Variants in NPC1 observed in about 807,000 individuals in gnomAD.
NPC1 encodes Niemann-Pick C1 protein.
Under a neutral mutation model 140.4 loss-of-function variants are expected in NPC1, and 85 were observed. The observed-to-expected ratio is 0.61, with a 90% CI of 0.51 to 0.72. The LOEUF is 0.72. Among genes scored for constraint, NPC1 ranks in the 30% least tolerant of loss-of-function variants. The pLI is 0.00. For missense variants in NPC1, 1,504 were observed against 1,623.8 expected (o/e 0.93, Z 1.27); for synonymous variants, 656 against 624.8 (o/e 1.05, Z -0.74).
chr18:23,582,592 C>T (rs1186509284), intron 1 of NPC1, among the ~76,000 whole-genome samples: 1 of 150,718 alleles, frequency 6.6e-6, no homozygotes, highest in Non-Finnish European at 1.5e-5. Flanking sequence ...CACTTGAGCT[C>T]AGGAGTTCGA....
intron 4 of NPC1, among the ~76,000 whole-genome samples, chr18:23,562,612 G>A (rs1044780856): frequency 1.4e-4 from 21 of 152,004 alleles, no homozygotes; most frequent in Non-Finnish European, 1.9e-4. Flanking sequence ...TGCCTTCCAG[G>A]CTCTATCATG....
chr18:23,530,043 C>T (rs765549598), downstream of NPC1: 3 of 1,614,022 alleles, frequency 1.9e-6, no homozygotes, highest in Non-Finnish European at 8.5e-7. Context: ...CCTACATGAA[C>T]TTGTTATCAA....
rs755227617 is a variant in NPC1 at position 23,554,927 on chromosome 18, C to A, written c.1384G>T (p.Val462Leu). The stretch of plus-strand genomic sequence containing the variant: ...GCCAAGCAGATGTCTTGAAGTGTCA[C>A]AGTCTCATTGTCATAAGAGGCAGTA... ...NITASYDNET[V>L]TLQDICLAPL... The change falls in exon 9 of 25, where the codon GTG (valine) becomes TTG (leucine). Residue 462 changes from valine (V) to leucine (L), a missense_variant. Val to Leu is a conservative substitution (Grantham distance 32, BLOSUM62 1). Coordinates refer to ENST00000269228, the MANE Select transcript of NPC1 (RefSeq NM_000271.5). The A allele has an allele frequency of 6.2e-7, 1 of 1,614,154 alleles. No individual in the cohort carries two copies. The highest frequency in any genetic ancestry group is 1.1e-5 in the South Asian group (1 of 91,082).
chr18:23,522,867 G>C (rs1395606156), exon 2 of NPC1: 1 of 116,528 alleles, frequency 8.6e-6, no homozygotes, highest in Non-Finnish European at 1.8e-5. Flanking sequence ...CTTGCCCACT[G>C]TGCTGCCACT....
downstream of NPC1, chr18:23,529,547 G>T: frequency 9.0e-6 from 12 of 1,333,834 alleles, no homozygotes; most frequent in Non-Finnish European, 1.3e-5. Context: ...TTTTAAGATG[G>T]AAACAAGGTG....
At chr18:23,515,977 T>C (rs1292691698) in intron 3 of NPC1, 1 of 1,614,036 alleles carries the variant, frequency 6.2e-7, no homozygotes, top group Non-Finnish European at 8.5e-7. Context: ...GAGAATGTCC[T>C]GCAGCCTTTT....
At chr18:23,531,000 TCATTTTTTTTTTGAGA>T, downstream of NPC1, among the ~76,000 whole-genome samples, 1 of 151,888 alleles carries the variant, frequency 6.6e-6, no homozygotes, top group East Asian at 1.9e-4. Flanking sequence ...TTGATCATTC[TCATTTTTTTTTTGAGA>T]CAGAGTCTCG....
At position 23,535,712 on chromosome 18, in the gene NPC1, A is replaced by G; in HGVS notation, c.3246-12T>C. ...AGACATAAAACACACTGGAGGGGAG[A>G]GGGGAGGCCTCATTAAAGCTCGCTC... On this transcript the variant is annotated splice_polypyrimidine_tract_variant and intron_variant, in intron 21 of 24. Transcript: ENST00000269228. The G allele has an allele frequency of 2.5e-6, 4 of 1,575,206 alleles. No individual in the cohort carries two copies. Among genetic ancestry groups the G allele is most frequent in the Non-Finnish European group, 3.5e-6 (4 of 1,144,722 alleles).
chr18:23,536,775 G>C lies in NPC1; in HGVS notation c.3143C>G (p.Ser1048Cys). The C allele has an allele frequency of 6.2e-7, 1 of 1,614,232 alleles. No individual in the cohort carries two copies. Among genetic ancestry groups the C allele is most frequent in the South Asian group, 1.1e-5 (1 of 91,080 alleles). The change falls in exon 21 of 25, where the codon TCT (serine) becomes TGT (cysteine). Residue 1048 changes from serine (S) to cysteine (C), a missense_variant. Ser to Cys is a moderately radical substitution (Grantham distance 112, BLOSUM62 -1). Coordinates refer to ENST00000269228, the MANE Select transcript of NPC1 (RefSeq NM_000271.5). ...CTTCAGAGCGTCAATAAAGTCAGCA[G>C]AGGTCTGCAGCACGGTGTGGTAGGT... ...FMTYHTVLQT[S>C]ADFIDALKKA...
intron 3 of NPC1, chr18:23,509,102 A>G: frequency 2.3e-6 from 1 of 433,736 alleles, no homozygotes; most frequent in Non-Finnish European, 3.9e-6. Context: ...TCATTAAAGA[A>G]TGACAAACTG....
At chr18:23,508,159 A>T in intron 3 of NPC1, 1 of 874,782 alleles carries the variant, frequency 1.1e-6, no homozygotes, top group Middle Eastern at 3.6e-4. Context: ...ACTGTCCCTC[A>T]TGTTGATTCC....
chr18:23,521,134 T>G (rs1040904583), downstream of NPC1, among the ~76,000 whole-genome samples: 8 of 152,166 alleles, frequency 5.3e-5, no homozygotes, highest in Non-Finnish European at 1.0e-4. Flanking sequence ...GGATTACAAG[T>G]GTGAGCCACC....
At chr18:23,542,440 T>C (rs2058726040) in intron 14 of NPC1, among the ~76,000 whole-genome samples, 2 of 152,176 alleles carry the variant, frequency 1.3e-5, no homozygotes, top group South Asian at 2.1e-4. Context: ...CATGTAGGCA[T>C]TGCAGTTTGT....
intron 11 of NPC1, among the ~76,000 whole-genome samples, chr18:23,546,320 C>T (rs1167404478): frequency 6.8e-6 from 1 of 147,926 alleles, no homozygotes; most frequent in African/African-American, 2.5e-5. Flanking sequence ...AATGAGATAC[C>T]ACTTCACACC....
intron 1 of NPC1, chr18:23,524,175 G>T: frequency 6.2e-7 from 1 of 1,613,566 alleles, no homozygotes; most frequent in Non-Finnish European, 8.5e-7. Context: ...TGTAAACTCT[G>T]TATCCTTTAC....
chr18:23,514,586 T>TG (rs56172742), intron 3 of NPC1, among the ~76,000 whole-genome samples: 5,051 of 152,042 alleles, frequency 0.033, 199 homozygotes, highest in East Asian at 0.19. Flanking sequence ...TAATGACCAA[T>TG]AGGAGAACTT....
Position 23,535,672 on chromosome 18 carries a change from G to A in NPC1, c.3274C>T (p.Leu1092=). 6.2e-7 allele frequency: 1 copy of A among 1,614,006 alleles called. No homozygotes were observed. The highest frequency in any genetic ancestry group is 2.2e-5 in the East Asian group (1 of 44,886). ...AAGATAGTGTCGTCAATGATGGTCA[G>A]GTACTGTTCGTAGAAGACATAAAAC... is the stretch of plus-strand genomic sequence containing the variant. ...SVFYVFYEQY[L]TIIDDTIFNL... is the part of the protein sequence containing the mutation. Residue 1092 remains leucine, a synonymous_variant, in exon 22 of 25, where the codon CTG becomes TTG. Transcript: ENST00000269228.
intron 3 of NPC1, chr18:23,509,259 C>G: frequency 6.9e-7 from 1 of 1,445,964 alleles, no homozygotes; most frequent in Non-Finnish European, 9.1e-7. Flanking sequence ...CATAACAGAT[C>G]AAGGAATCGA....
chr18:23,556,629 A>G lies in NPC1; in HGVS notation c.956-16T>C, dbSNP rs2058956798. 1 of 1,613,482 alleles carries G rather than the reference A, an allele frequency of 6.2e-7. No homozygotes were observed. The highest frequency in any genetic ancestry group is 8.5e-7 in the Non-Finnish European group (1 of 1,179,810). On this transcript the variant is annotated splice_polypyrimidine_tract_variant and intron_variant, in intron 7 of 24. Transcript: ENST00000269228. ...GACGCCTCTCCTGGAAGAACGGGAG[A>G]GGAAGGGAAGGTGGAGGTTAAGAGC...
Sources: allele counts gnomAD v4.1 joint callset (sites outside exome capture counted in the v4.1 genomes callset), GRCh38; gene constraint gnomAD v4.1.1; transcripts MANE v1.5; gene names NCBI Gene and HGNC (gene_info 2026-07-23, HGNC 2026-07-21).